FHIT: variants seen among roughly 807,000 people sequenced by gnomAD.
FHIT encodes the protein bis(5'-adenosyl)-triphosphatase.
In FHIT, 19 loss-of-function variants were observed where a neutral mutation model predicts 17.9. The observed-to-expected ratio is 1.06, with a 90% CI of 0.74 to 1.56. The LOEUF is 1.56. FHIT is among the 40% of genes most tolerant of loss of function. The probability of loss-of-function intolerance (pLI) is 0.00; values close to 1 mark genes in which losing one functional copy is unlikely to be tolerated. For missense variants in FHIT, 248 were observed against 189.2 expected (o/e 1.31, Z -1.82); for synonymous variants, 81 against 69.7 (o/e 1.16, Z -0.81).
intron 5 of FHIT, among the ~76,000 whole-genome samples, chr3:60,361,311 T>C (rs950933344): frequency 1.3e-5 from 2 of 152,150 alleles, no homozygotes; most frequent in Non-Finnish European, 2.9e-5. Flanking sequence ...TGGTGCTGTA[T>C]TGGAACAGCA....
chr3:61,120,647 T>C (rs372056396), intron 2 of FHIT, among the ~76,000 whole-genome samples: 4 of 151,948 alleles, frequency 2.6e-5, no homozygotes, highest in East Asian at 3.9e-4. Context: ...AGGTGGCACT[T>C]TTGCAGGCTA....
chr3:60,113,685 C>A (rs1265159801), intron 5 of FHIT, among the ~76,000 whole-genome samples: 3 of 151,462 alleles, frequency 2.0e-5, no homozygotes, highest in Non-Finnish European at 4.4e-5. Flanking sequence ...CTCAACTGTA[C>A]ACTTAAACAT....
chr3:60,349,548 G>A (rs951637974), intron 5 of FHIT, among the ~76,000 whole-genome samples: 3 of 152,032 alleles, frequency 2.0e-5, no homozygotes, highest in Non-Finnish European at 4.4e-5. Context: ...TAATTGATAA[G>A]CAAACATATT....
At chr3:60,730,843 G>A (rs2042012726) in intron 4 of FHIT, among the ~76,000 whole-genome samples, 1 of 152,100 alleles carries the variant, frequency 6.6e-6, no homozygotes, top group East Asian at 1.9e-4. Context: ...CAGGCCAAGT[G>A]CAGTGGCTCA....
intron 5 of FHIT, among the ~76,000 whole-genome samples, chr3:60,214,238 C>T (rs1375585602): frequency 2.0e-5 from 3 of 152,214 alleles, no homozygotes; most frequent in Admixed American, 6.5e-5. Context: ...TTGTATTAGT[C>T]TAATCACCTC....
chr3:60,797,569 C>T lies in FHIT; in HGVS notation c.-18+24350G>A, dbSNP rs993761834. ...TCCATTTCATAGTTCAGAGGTCTCA[C>T]AAATTCAGGCAATATTCACAGCTGT... On this transcript the variant is annotated intron_variant, in intron 4 of 9. Transcript: ENST00000492590. Among the ~76,000 whole-genome samples, 8 of 151,182 alleles carry T rather than the reference C, an allele frequency of 5.3e-5. 1 individual carries two copies. The highest frequency in any genetic ancestry group is 1.9e-4 in the African/African-American group (8 of 41,090).
At chr3:60,692,384 G>C (rs566897563) in intron 4 of FHIT, among the ~76,000 whole-genome samples, 1 of 152,316 alleles carries the variant, frequency 6.6e-6, no homozygotes, top group Admixed American at 6.5e-5. Flanking sequence ...ATAGAATTAA[G>C]TTTGCTAATC....
At chr3:61,193,754 C>T (rs1450591584) in intron 2 of FHIT, among the ~76,000 whole-genome samples, 1 of 152,168 alleles carries the variant, frequency 6.6e-6, no homozygotes, top group African/African-American at 2.4e-5. Context: ...CAGGATTCCA[C>T]AATACCAGGC....
intron 2 of FHIT, among the ~76,000 whole-genome samples, chr3:61,187,978 A>T (rs1017998502): frequency 2.6e-5 from 4 of 152,266 alleles, no homozygotes; most frequent in Non-Finnish European, 4.4e-5. Flanking sequence ...AAGACAAAGC[A>T]GAAAAGATCT....
chr3:60,972,747 T>C lies in FHIT; in HGVS notation c.-111+69300A>G, dbSNP rs370897307. ...TATGTCTCTTATAAAATTTTCTTTA[T>C]TTTTGCATTCTCTTTTCCACTCTGC... On this transcript the variant is annotated intron_variant, in intron 3 of 9. Coordinates refer to ENST00000492590, the MANE Select transcript of FHIT (RefSeq NM_002012.4). 1.7e-4 allele frequency among the ~76,000 whole-genome samples: 26 copies of C among 152,270 alleles called. 1 individual carries two copies. The East Asian group carries it at 3.3e-3, about 19-fold the overall frequency.
rs147312686 is a variant in FHIT at position 60,554,508 on chromosome 3, A to G, written c.-17-17529T>C. Among the ~76,000 whole-genome samples, 259 of 152,328 alleles carry G rather than the reference A, an allele frequency of 1.7e-3. 4 individuals carry two copies. The highest frequency in any genetic ancestry group is 5.6e-3 in the African/African-American group (233 of 41,586). ...GAAGACATTGTGGACATATTGGGACATCAACTCAGAAATAATGTCAAAAGC... is the reference window on the plus strand; with the variant it reads ...GAAGACATTGTGGACATATTGGGACGTCAACTCAGAAATAATGTCAAAAGC... On this transcript the variant is annotated intron_variant, in intron 4 of 9. Transcript: ENST00000492590.
intron 2 of FHIT, among the ~76,000 whole-genome samples, chr3:61,106,303 G>T (rs148196327): frequency 1.2e-4 from 19 of 152,252 alleles, no homozygotes; most frequent in South Asian, 4.1e-4. Context: ...TATGATTTGT[G>T]TGTGTGGTGA....
intron 5 of FHIT, among the ~76,000 whole-genome samples, chr3:60,062,483 G>C (rs1021817173): frequency 3.3e-5 from 5 of 152,072 alleles, no homozygotes; most frequent in East Asian, 1.9e-4. Context: ...ATCTCCTCTA[G>C]TGAAGAAAAT....
chr3:60,698,897 T>G (rs1272085637), intron 4 of FHIT, among the ~76,000 whole-genome samples: 1 of 152,276 alleles, frequency 6.6e-6, no homozygotes, highest in South Asian at 2.1e-4. Flanking sequence ...TATTAGCACA[T>G]CACCCAGAGA....
chr3:60,994,849 G>A (rs2030536118), intron 3 of FHIT, among the ~76,000 whole-genome samples: 1 of 152,164 alleles, frequency 6.6e-6, no homozygotes, highest in Non-Finnish European at 1.5e-5. Context: ...AAACATCACA[G>A]CTGCAGCTGA....
chr3:60,180,592 G>T (rs1206248719), intron 5 of FHIT, among the ~76,000 whole-genome samples: 2 of 151,710 alleles, frequency 1.3e-5, no homozygotes, highest in Non-Finnish European at 3.0e-5. Flanking sequence ...TTAGCTCTTT[G>T]TTTGTCTTAG....
chr3:60,060,653 T>C (rs978890250), intron 5 of FHIT, among the ~76,000 whole-genome samples: 1 of 152,172 alleles, frequency 6.6e-6, no homozygotes, highest in African/African-American at 2.4e-5. Flanking sequence ...AAAATGAGAT[T>C]TGCAATTATA....
intron 7 of FHIT, among the ~76,000 whole-genome samples, chr3:60,009,531 A>T: frequency 6.6e-6 from 1 of 152,106 alleles, no homozygotes; most frequent in East Asian, 1.9e-4. Flanking sequence ...GATAATTGGG[A>T]CATCAAAAAG....
At chr3:60,989,441 C>G (rs187993278) in intron 3 of FHIT, among the ~76,000 whole-genome samples, 1 of 151,982 alleles carries the variant, frequency 6.6e-6, no homozygotes, top group Non-Finnish European at 1.5e-5. Flanking sequence ...TATCATATTA[C>G]GGAAACTTTA....
Sources: gnomAD v4.1 joint callset for allele counts (sites outside exome capture counted in the v4.1 genomes callset) on GRCh38, gnomAD v4.1.1 for gene constraint, MANE v1.5 for transcripts, NCBI Gene and HGNC (gene_info 2026-07-23, HGNC 2026-07-21) for gene names.